Variants in C1S observed in about 807,000 individuals in gnomAD.
C1S encodes complement C1s.
Under a neutral mutation model 54.0 loss-of-function variants are expected in C1S, and 31 were observed. That is an observed-to-expected ratio of 0.57 (90% CI 0.43 to 0.78). The LOEUF is 0.78. Ranked by LOEUF, C1S falls within the 30% of genes least tolerant of loss-of-function variation. C1S has a pLI of 0.00. For synonymous variants in C1S, 292 were observed against 303.6 expected, an observed-to-expected ratio of 0.96 and a Z score of 0.40; for missense variants, 727 against 851.8, an observed-to-expected ratio of 0.85 and a Z score of 1.82.
chr12:7,067,433 G>A (rs1937698809), intron 9 of C1S: 2 of 716,144 alleles, frequency 2.8e-6, no homozygotes, highest in Non-Finnish European at 5.0e-6. Context: ...CGGCTTTCAT[G>A]GGGCCATCTG....
intron 11 of C1S, among the ~76,000 whole-genome samples, chr12:7,069,459 CA>C (rs1555162830): frequency 6.6e-6 from 1 of 152,214 alleles, no homozygotes; most frequent in African/African-American, 2.4e-5. Flanking sequence ...CCTCCTCCAC[CA>C]TCTGTGTGAG....
In C1S at chr12:7,066,861, T is replaced by C. The variant is rs986965980; in HGVS notation, c.988-178T>C. 23 of 711,000 alleles carry C rather than the reference T, an allele frequency of 3.2e-5. No homozygotes were observed. In the East Asian group the frequency reaches 3.5e-4, roughly 11 times the overall value. The allele number at this position is 711,000 out of a possible 1,614,324, so 44.0% of individuals were successfully genotyped here. A position where few individuals can be genotyped will look rare whatever the true frequency, so the allele number is the denominator to read the frequency against. On this transcript the variant is annotated intron_variant, in intron 8 of 11. Coordinates refer to ENST00000360817, the MANE Select transcript of C1S (RefSeq NM_001734.5). Reference sequence around the variant, plus strand: ...TTCTTGAGGAAGGGGAGTTGACACGTTGGGGCAAAGCTTTCTGTCAGCCTC... The same window carrying C: ...TTCTTGAGGAAGGGGAGTTGACACGCTGGGGCAAAGCTTTCTGTCAGCCTC...
Position 7,067,484 on chromosome 12 carries a change from T to C in C1S, c.1067-159T>C, listed in dbSNP as rs1465109890. The C allele has an allele frequency of 4.9e-6, 4 of 819,902 alleles. No individual in the cohort carries two copies. The African/African-American group carries it at 5.0e-5, about 10-fold the overall frequency. The allele number at this position is 819,902 out of a possible 1,614,324, so 50.8% of individuals were successfully genotyped here. On this transcript the variant is annotated intron_variant, in intron 9 of 11. Transcript: ENST00000360817. ...GGGTGAGAGAGCTGAGAGATGCCAG[T>C]TGGGGAGGATGGCCACAGAGAGGCT... is the stretch of plus-strand genomic sequence containing the variant.
chr12:7,067,813 G>A (rs1555162559), intron 10 of C1S, 42 bp downstream of exon 10: 1 of 1,585,356 alleles, frequency 6.3e-7, no homozygotes. Context: ...AGAGTGAGAA[G>A]GTGTTGGAGG....
rs1359629484 is a variant in C1S at position 7,063,066 on chromosome 12, A to G, written c.390A>G (p.Thr130=). Residue 130 remains threonine, a splice_region_variant and synonymous_variant, in exon 4 of 12, where the codon ACA becomes ACG. Coordinates refer to ENST00000360817, the MANE Select transcript of C1S (RefSeq NM_001734.5). The stretch of plus-strand genomic sequence containing the variant: ...GGTTTGCTGCATACTATGTTGCCAC[A>G]GGTAAGGCTCACCCTTCTGCATGTG... ...FTGFAAYYVA[T]DINECTDFVD... 2 of 1,612,596 alleles carry G rather than the reference A, an allele frequency of 1.2e-6. No individual in the cohort carries two copies.
chr12:7,067,888 T>G, intron 10 of C1S, 117 bp downstream of exon 10: 1 of 1,108,776 alleles, frequency 9.0e-7, no homozygotes, highest in Non-Finnish European at 1.4e-6. Flanking sequence ...GGACAGACAT[T>G]GTTCATCCCC....
rs781999582 is a variant in C1S at position 7,064,175 on chromosome 12, C to G, written c.392-92C>G. 18 of 1,350,844 alleles carry G rather than the reference C, an allele frequency of 1.3e-5. No homozygotes were observed. The South Asian group carries it at 1.6e-4, about 12-fold the overall frequency. The allele number at this position is 1,350,844 out of a possible 1,614,324, so 83.7% of individuals were successfully genotyped here. On this transcript the variant is annotated intron_variant, in intron 4 of 11. Transcript: ENST00000360817. ...CGGATCTTTAAGCAATAGGCCTTTC[C>G]TACTTTTTCTTACCCTTATGGTTTT... is the stretch of plus-strand genomic sequence containing the variant.
At position 7,064,388 on chromosome 12, in the gene C1S, C is replaced by T. The variant is rs782165948; in HGVS notation, c.513C>T (p.Cys171=). 3.7e-5 allele frequency: 60 copies of T among 1,613,858 alleles called. 1 individual carries two copies. Among genetic ancestry groups the T allele is most frequent in the Middle Eastern group, 1.6e-4 (1 of 6,084 alleles). The part of the protein sequence containing the change: ...EYFLHDDMKN[C]GVNCSGDVFT... ...TCCTCCATGATGACATGAAGAATTGCGGAGGTGAGCTTGGTGTTAAGAGGG... is the reference window on the plus strand; with the variant it reads ...TCCTCCATGATGACATGAAGAATTGTGGAGGTGAGCTTGGTGTTAAGAGGG... Residue 171 remains cysteine (C), a synonymous_variant, in exon 5 of 12, where the codon TGC becomes TGT. Transcript: ENST00000360817.
At chr12:7,064,097 A>C (rs1465669753) in intron 4 of C1S, 170 bp from the exon 5 acceptor site, 1 of 764,842 alleles carries the variant, frequency 1.3e-6, no homozygotes, top group Admixed American at 1.8e-5. Context: ...CTCTGGAATC[A>C]TATGTCAGGA....
rs1400068569 is a variant in C1S at position 7,064,354 on chromosome 12, C to G, written c.479C>G (p.Pro160Arg). The G allele has an allele frequency of 7.4e-6, 12 of 1,613,922 alleles. No individual in the cohort carries two copies. Among genetic ancestry groups the G allele is most frequent in the Non-Finnish European group, 1.0e-5 (12 of 1,180,006 alleles). ...GGTGGTTACTTCTGCTCCTGCCCCCCGGAATATTTCCTCCATGATGACATG... is the reference window on the plus strand; with the variant it reads ...GGTGGTTACTTCTGCTCCTGCCCCCGGGAATATTTCCTCCATGATGACATG... ...FIGGYFCSCP[P>R]EYFLHDDMKN... Residue 160 changes from proline to arginine, a missense_variant, in exon 5 of 12, where the codon CCG becomes CGG. Physicochemically the swap from Pro to Arg is moderately radical, Grantham distance 103. Transcript: ENST00000360817.
chr12:7,063,762 C>T (rs1947131347), intron 4 of C1S: 1 of 348,196 alleles, frequency 2.9e-6, no homozygotes. Flanking sequence ...TGGTAGCTCA[C>T]ACCTGTAATC....
Position 7,067,619 on chromosome 12 carries a change from C to T in C1S, c.1067-24C>T, listed in dbSNP as rs781948433. 16 of 1,613,132 alleles carry T rather than the reference C, an allele frequency of 9.9e-6. 1 individual carries two copies. The highest frequency in any genetic ancestry group is 5.5e-5 in the South Asian group (5 of 91,020). ...TGGAGGAAGTGGCTGTCCTGACCAT[C>T]GCTCTCCTTCCTTCGTCTGGTAGCT... On this transcript the variant is annotated intron_variant, in intron 9 of 11. Coordinates refer to ENST00000360817, the MANE Select transcript of C1S (RefSeq NM_001734.5).
intron 2 of C1S, 190 bp from the exon 3 acceptor site, chr12:7,062,285 A>AAAAAAG: frequency 1.7e-6 from 1 of 582,532 alleles, no homozygotes; most frequent in Non-Finnish European, 3.0e-6. Context: ...AAAAAAAAAA[A>AAAAAAG]AGGGCTCTTG....
intron 4 of C1S, chr12:7,063,555 A>G (rs889450924): frequency 3.1e-5 from 10 of 324,020 alleles, no homozygotes; most frequent in Admixed American, 1.5e-4. Context: ...TGAAGCTAGG[A>G]CATCTCATAA....
intron 9 of C1S, 130 bp from the exon 10 acceptor site, chr12:7,067,484 TTGGGGAGGATGGCCACAGAGAGGCTGGTG>T: frequency 2.4e-6 from 2 of 820,014 alleles, no homozygotes; most frequent in Non-Finnish European, 4.2e-6. Context: ...GAGATGCCAG[TTGGGGAGGATGGCCACAGAGAGGCTGGTG>T]TGGGGAGGTT....
intron 10 of C1S, 41 bp from the exon 11 acceptor site, chr12:7,068,415 T>G (rs1565623514): frequency 2.1e-6 from 3 of 1,401,290 alleles, no homozygotes; most frequent in Non-Finnish European, 3.0e-6. Flanking sequence ...AGAAGGAAGA[T>G]GTGGTGGTGA....
Position 7,063,071 on chromosome 12 carries a change from A to G in C1S, c.391+4A>G. ...GCTGCATACTATGTTGCCACAGGTA[A>G]GGCTCACCCTTCTGCATGTGCCTTA... On this transcript the variant is annotated splice_donor_region_variant and intron_variant, in intron 4 of 11. Transcript: ENST00000360817. The G allele has an allele frequency of 2.5e-6, 4 of 1,612,348 alleles. No homozygotes were observed. The highest frequency in any genetic ancestry group is 3.4e-6 in the Non-Finnish European group (4 of 1,179,792).
At chr12:7,067,833 A>G in intron 10 of C1S, 62 bp downstream of exon 10, 2 of 1,525,068 alleles carry the variant, frequency 1.3e-6, no homozygotes, top group Non-Finnish European at 1.8e-6. Context: ...GGTGGATAGC[A>G]TAATCTGTGC....
At chr12:7,066,122 AAGT>A (rs2135725319) in intron 7 of C1S, 152 bp downstream of exon 7, 1 of 748,186 alleles carries the variant, frequency 1.3e-6, no homozygotes, top group Non-Finnish European at 2.4e-6. Flanking sequence ...TGAGCCCAGG[AAGT>A]AGGAGTTTGA....
Sources: allele counts gnomAD v4.1 joint callset (sites outside exome capture counted in the v4.1 genomes callset), GRCh38; gene constraint gnomAD v4.1.1; transcripts MANE v1.5; gene names NCBI Gene and HGNC (gene_info 2026-07-23, HGNC 2026-07-21).